Variants in BMX observed in about 807,000 individuals in gnomAD.
The protein encoded by BMX is cytoplasmic tyrosine-protein kinase BMX.
BMX carries 31 observed loss-of-function variants against 59.2 expected under a neutral mutation model. The observed-to-expected ratio is 0.52, with a 90% CI of 0.39 to 0.71. The LOEUF (loss-of-function observed/expected upper bound fraction) is 0.71, where lower values mean the gene tolerates loss of function less well. BMX is among the 30% of genes least tolerant of loss of function. The probability of loss-of-function intolerance (pLI) is 0.00; values close to 1 mark genes in which losing one functional copy is unlikely to be tolerated. For synonymous variants in BMX, 185 were observed against 181.0 expected (o/e 1.02, Z -0.18); for missense variants, 474 against 491.7 (o/e 0.96, Z 0.34).
chrX:15,517,689 T>C (rs898273328), intron 5 of BMX, among the ~76,000 whole-genome samples: 5 of 112,212 alleles, frequency 4.5e-5, no homozygotes, highest in African/African-American at 1.6e-4. Context: ...AAAAGTTAGG[T>C]GTCTTTATTT....
intron 6 of BMX, among the ~76,000 whole-genome samples, chrX:15,521,040 C>T (rs973077826): frequency 5.4e-5 from 6 of 111,741 alleles, no homozygotes; most frequent in Non-Finnish European, 9.4e-5. Flanking sequence ...GACACACACA[C>T]ACATATTGTG....
chrX:15,521,707 A>G (rs1440337997), intron 6 of BMX, among the ~76,000 whole-genome samples: 7 of 111,087 alleles, frequency 6.3e-5, no homozygotes, highest in Non-Finnish European at 1.1e-4. Flanking sequence ...ACAGCTCTCT[A>G]ATCTCTGACC....
intron 10 of BMX, 111 bp downstream of exon 10, chrX:15,530,138 T>C (rs986549314): frequency 3.6e-5 from 27 of 742,242 alleles, no homozygotes; most frequent in Non-Finnish European, 5.2e-5. Context: ...AGTCAAGTCA[T>C]TGTAGTGTTG....
chrX:15,518,982 A>G (rs937944776), intron 6 of BMX, among the ~76,000 whole-genome samples: 4 of 112,094 alleles, frequency 3.6e-5, no homozygotes, highest in African/African-American at 6.5e-5. Flanking sequence ...GAGTTGGCCT[A>G]TAAGAAAACA....
intron 5 of BMX, among the ~76,000 whole-genome samples, chrX:15,517,031 C>T (rs1394327546): frequency 4.5e-5 from 5 of 111,661 alleles, no homozygotes; most frequent in African/African-American, 1.6e-4. Flanking sequence ...CAAAATAGAA[C>T]TTCATGAAAT....
intron 18 of BMX, among the ~76,000 whole-genome samples, chrX:15,555,805 A>G (rs1926407728): frequency 8.9e-6 from 1 of 111,996 alleles, no homozygotes; most frequent in Admixed American, 9.5e-5. Flanking sequence ...ATGCTTGCAA[A>G]TAAAGAGACT....
At chrX:15,537,327 G>A (rs766994983) in intron 14 of BMX, 22 bp downstream of exon 14, 3 of 1,208,815 alleles carry the variant, frequency 2.5e-6, no homozygotes, top group Admixed American at 2.2e-5. Context: ...CCAAGGAATG[G>A]CTGTTTAGCC....
intron 18 of BMX, among the ~76,000 whole-genome samples, chrX:15,551,111 A>C (rs1416754898): frequency 9.0e-6 from 1 of 111,551 alleles, no homozygotes. Context: ...GACAAGTGAG[A>C]GTTTTGGTTT....
intron 3 of BMX, among the ~76,000 whole-genome samples, chrX:15,510,362 C>T (rs977877376): frequency 9.0e-6 from 1 of 111,456 alleles, no homozygotes; most frequent in African/African-American, 3.3e-5. Context: ...TGATTAACAA[C>T]CCATACTTCC....
intron 1 of BMX, among the ~76,000 whole-genome samples, chrX:15,504,332 A>T (rs1023627743): frequency 8.9e-6 from 1 of 112,131 alleles, no homozygotes; most frequent in Non-Finnish European, 1.9e-5. Flanking sequence ...CTCAATTTAC[A>T]GATCAGAAAA....
rs955453178 is a variant in BMX, at chrX:15,534,758, A to G, written c.1147+419A>G. 1.3e-4 allele frequency among the ~76,000 whole-genome samples: 15 copies of G among 111,379 alleles called. No individual in the cohort carries two copies. The Admixed American group carries it at 1.3e-3, about 10-fold the overall frequency. On this transcript the variant is annotated intron_variant, in intron 12 of 18. Transcript: ENST00000348343. ...CATTACATATATAAATAGAAATTAT[A>G]TATTATGTATATACATTACATTTTT...
intron 1 of BMX, among the ~76,000 whole-genome samples, chrX:15,506,890 A>G (rs16997073): frequency 0.09 from 10,154 of 112,634 alleles, 1,071 homozygotes; most frequent in African/African-American, 0.3. Context: ...AGACTTTATT[A>G]TATTGAATGG....
chrX:15,527,265 TATATATATATATATATATACAC>T (rs1238734169), intron 9 of BMX, among the ~76,000 whole-genome samples: 1 of 58,759 alleles, frequency 1.7e-5, no homozygotes, highest in Non-Finnish European at 3.0e-5. Context: ...TATATATATA[TATATATATATATATATATACAC>T]ACACACACAC....
At position 15,511,493 on chromosome X, in the gene BMX, T is replaced by C; in HGVS notation, c.300T>C (p.Ser100=). The change falls in exon 4 of 19, where the codon AGT becomes AGC. Residue 100 remains serine, a synonymous_variant. Coordinates refer to ENST00000348343, the MANE Select transcript of BMX (RefSeq NM_203281.3). ...YVYASNEESR[S]QWLKALQKEI... ...ATGCATCAAATGAAGAGAGCCGAAG[T>C]CAGTGGTTGAAAGCATTACAAAAAG... The C allele has an allele frequency of 1.7e-6, 2 of 1,205,100 alleles. No homozygotes were observed. Among genetic ancestry groups the C allele is most frequent in the Non-Finnish European group, 2.2e-6 (2 of 891,777 alleles).
rs1431823337 is a variant in BMX at position 15,527,207 on chromosome X, AAAAAAAAAAAC to A, written c.884+1115_884+1125del. 9.5e-3 allele frequency among the ~76,000 whole-genome samples: 865 copies of A among 91,326 alleles called. 32 individuals are homozygous for A. The highest frequency in any genetic ancestry group is 0.035 in the African/African-American group (819 of 23,175). The allele number at this position is 91,326 out of a possible 115,157, so 79.3% of individuals were successfully genotyped here. ...AGACTCTGTCTCAAAAAAAAAAAAAAAAAAAAAAAACAACACAAACACACACACACACACAC... is the reference window on the plus strand; with the variant it reads ...AGACTCTGTCTCAAAAAAAAAAAAAAAACACAAACACACACACACACACAC... On this transcript the variant is annotated intron_variant, in intron 9 of 18. Transcript: ENST00000348343.
At chrX:15,507,378 C>A in intron 1 of BMX, 1 of 754,327 alleles carries the variant, frequency 1.3e-6, no homozygotes, top group African/African-American at 2.3e-5. Flanking sequence ...GTTAAGGACC[C>A]ACATGTATAC....
At chrX:15,539,466 T>C (rs1380416245) in intron 14 of BMX, among the ~76,000 whole-genome samples, 5 of 111,210 alleles carry the variant, frequency 4.5e-5, no homozygotes, top group African/African-American at 1.6e-4. Flanking sequence ...TATTGGGTGA[T>C]GGACCTTTGT....
At chrX:15,523,208 G>C (rs1373731822) in intron 7 of BMX, among the ~76,000 whole-genome samples, 1 of 111,945 alleles carries the variant, frequency 8.9e-6, no homozygotes, top group Non-Finnish European at 1.9e-5. Flanking sequence ...AAAGGGTCAA[G>C]TGACTCCCCT....
Position 15,511,607 on chromosome X carries a change from T to C in BMX, c.325+89T>C, listed in dbSNP as rs769701179. 5.5e-6 allele frequency: 4 copies of C among 732,807 alleles called. No individual in the cohort carries two copies. In the East Asian group the frequency reaches 1.5e-4, roughly 27 times the overall value. 60.4% of individuals were successfully genotyped at this position (732,807 alleles called of 1,213,427 possible). A position where few individuals can be genotyped will look rare whatever the true frequency, so the allele number is the denominator to read the frequency against. On this transcript the variant is annotated intron_variant, in intron 4 of 18. Coordinates refer to ENST00000348343, the MANE Select transcript of BMX (RefSeq NM_203281.3). ...TTTGAGGCTTGGTGGAGGAAAGACA[T>C]GGCAGTAAAAAGACTCAATGCCAAG...
Sources: gnomAD v4.1 joint callset for allele counts (sites outside exome capture counted in the v4.1 genomes callset) on GRCh38, gnomAD v4.1.1 for gene constraint, MANE v1.5 for transcripts, NCBI Gene and HGNC (gene_info 2026-07-23, HGNC 2026-07-21) for gene names.